TCERG1L: variants seen among roughly 807,000 people sequenced by gnomAD.
TCERG1L encodes transcription elongation regulator 1 like.
TCERG1L carries 37 observed loss-of-function variants against 56.3 expected under a neutral mutation model. That is an observed-to-expected ratio of 0.66 (90% confidence interval 0.51 to 0.87). The LOEUF (loss-of-function observed/expected upper bound fraction) is 0.87. Ranked by LOEUF, TCERG1L falls within the 40% of genes least tolerant of loss-of-function variation. TCERG1L has a pLI of 0.00. For synonymous variants in TCERG1L, 324 were observed against 326.3 expected (o/e 0.99, Z 0.08); for missense variants, 799 against 774.2 (o/e 1.03, Z -0.38).
chr10:131,134,253 C>T, intron 8 of TCERG1L, 126 bp downstream of exon 8: 1 of 853,328 alleles, frequency 1.2e-6, no homozygotes, highest in South Asian at 1.7e-5. Context: ...AACCTCTTAC[C>T]ATCTGTCTAG....
intron 8 of TCERG1L, among the ~76,000 whole-genome samples, chr10:131,134,037 CA>C (rs1280715222): frequency 1.3e-5 from 2 of 152,136 alleles, no homozygotes; most frequent in Non-Finnish European, 2.9e-5. Flanking sequence ...CCCCTAAACT[CA>C]ACCTCTGACA....
intron 3 of TCERG1L, among the ~76,000 whole-genome samples, chr10:131,296,028 A>G (rs749829196): frequency 1.3e-5 from 2 of 151,900 alleles, no homozygotes; most frequent in Non-Finnish European, 2.9e-5. Context: ...ATGTTTTGTG[A>G]GTATTTTTCC....
At chr10:131,173,315 G>A (rs1193371370) in intron 4 of TCERG1L, among the ~76,000 whole-genome samples, 3 of 152,224 alleles carry the variant, frequency 2.0e-5, no homozygotes, top group Non-Finnish European at 4.4e-5. Context: ...GACTAGGTGA[G>A]CATTTTCTAG....
At position 131,110,936 on chromosome 10, in the gene TCERG1L, C is replaced by T. The variant is rs764570753; in HGVS notation, c.1395+5863G>A. 4.9e-5 allele frequency among the ~76,000 whole-genome samples: 7 copies of T among 142,464 alleles called. 2 individuals are homozygous for T. Among genetic ancestry groups the T allele is most frequent in the East Asian group, 2.4e-4 (1 of 4,218 alleles). 93.5% of individuals were successfully genotyped at this position (142,464 alleles called of 152,430 possible). On this transcript the variant is annotated intron_variant, in intron 9 of 11. Coordinates refer to ENST00000368642, the MANE Select transcript of TCERG1L (RefSeq NM_174937.4). ...CACGACTGGATTGGCAGGGAACCTC[C>T]GACAGAAGCAGAACGCTGCCTTCCA...
In TCERG1L at chr10:131,285,526, G is replaced by GAAAGAA. The variant is rs1564833952; in HGVS notation, c.670+22684_670+22685insTTCTTT. Among the ~76,000 whole-genome samples, 37 of 22,540 alleles carry GAAAGAA rather than the reference G, an allele frequency of 1.6e-3. 2 individuals are homozygous for GAAAGAA. Among genetic ancestry groups the GAAAGAA allele is most frequent in the Non-Finnish European group, 1.8e-3 (19 of 10,514 alleles). 14.8% of individuals were successfully genotyped at this position (22,540 alleles called of 152,430 possible). Reference sequence around the variant, plus strand: ...AAAGAAAGAAAGAAAGAAAGAAAGAGAGAAAGAAAAGAAAAGAAAGAAAGG... The same window carrying GAAAGAA: ...AAAGAAAGAAAGAAAGAAAGAAAGAGAAAGAAAGAAAGAAAAGAAAAGAAAGAAAGG... On this transcript the variant is annotated intron_variant, in intron 3 of 11. Transcript: ENST00000368642.
intron 4 of TCERG1L, among the ~76,000 whole-genome samples, chr10:131,249,132 C>T (rs569026305): frequency 9.2e-5 from 14 of 152,330 alleles, no homozygotes; most frequent in South Asian, 8.3e-4. Flanking sequence ...AAAAGTGGGG[C>T]GGCTGACTGA....
At chr10:131,247,782 T>C (rs936150028) in intron 4 of TCERG1L, among the ~76,000 whole-genome samples, 1 of 152,132 alleles carries the variant, frequency 6.6e-6, no homozygotes, top group Non-Finnish European at 1.5e-5. Context: ...CAAGGCTCTC[T>C]CTCCATCCCC....
intron 6 of TCERG1L, among the ~76,000 whole-genome samples, chr10:131,151,463 G>C (rs950729153): frequency 6.6e-6 from 1 of 152,170 alleles, no homozygotes; most frequent in Non-Finnish European, 1.5e-5. Context: ...GATCTCATTT[G>C]ACTCCACACC....
chr10:131,250,667 C>T (rs966107264), intron 4 of TCERG1L, among the ~76,000 whole-genome samples: 4 of 152,126 alleles, frequency 2.6e-5, no homozygotes, highest in Non-Finnish European at 4.4e-5. Flanking sequence ...AGTGCCTGCC[C>T]GGGGCCTGCC....
At chr10:131,223,483 A>G (rs1033415784) in intron 4 of TCERG1L, among the ~76,000 whole-genome samples, 1 of 152,072 alleles carries the variant, frequency 6.6e-6, no homozygotes, top group Non-Finnish European at 1.5e-5. Flanking sequence ...ACCCTTTCCT[A>G]TATCTGCCGT....
At chr10:131,210,783 A>C (rs1345508091) in intron 4 of TCERG1L, among the ~76,000 whole-genome samples, 1 of 152,106 alleles carries the variant, frequency 6.6e-6, no homozygotes, top group Non-Finnish European at 1.5e-5. Context: ...TATTTTGCTT[A>C]TTAGTAATAA....
chr10:131,129,691 C>G (rs1845598096), intron 8 of TCERG1L, among the ~76,000 whole-genome samples: 1 of 152,298 alleles, frequency 6.6e-6, no homozygotes, highest in Middle Eastern at 3.4e-3. Flanking sequence ...ATGGAAATCA[C>G]TCGTCTCCTG....
In TCERG1L at chr10:131,267,310, C is replaced by A. The variant is rs1451203365; in HGVS notation, c.671-6866G>T. Among the ~76,000 whole-genome samples the A allele has an allele frequency of 6.6e-6, 1 of 152,204 alleles. No homozygotes were observed. The highest frequency in any genetic ancestry group is 1.5e-5 in the Non-Finnish European group (1 of 68,034). On this transcript the variant is annotated intron_variant, in intron 3 of 11. Transcript: ENST00000368642. The surrounding 1 kb of genome is among the most constrained non-coding windows in gnomAD (Gnocchi z 4.9). ...CAACAGCACCCAGGCTTGGCCCCAA[C>A]CCTACTCTAGGATCGGAGTAAGCAC...
intron 7 of TCERG1L, among the ~76,000 whole-genome samples, chr10:131,136,979 A>C (rs2133406609): frequency 6.6e-6 from 1 of 151,832 alleles, no homozygotes; most frequent in East Asian, 2.0e-4. Flanking sequence ...GTTTCTACTA[A>C]AAATATAAAA....
intron 7 of TCERG1L, among the ~76,000 whole-genome samples, chr10:131,143,002 C>CAAG (rs113216920): frequency 0.05 from 7,572 of 152,146 alleles, 276 homozygotes; most frequent in South Asian, 0.22. Flanking sequence ...GAGAGAGAGG[C>CAAG]AAGATGGACG....
In TCERG1L at chr10:131,118,114, G is replaced by A. The variant is rs1112226; in HGVS notation, c.1260-1180C>T. 0.17 allele frequency among the ~76,000 whole-genome samples: 25,247 copies of A among 152,176 alleles called. 2,188 individuals are homozygous for A. Among genetic ancestry groups the A allele is most frequent in the East Asian group, 0.36 (1,849 of 5,112 alleles). ...CTGGCCTGGCCCTGCTCCCACACCT[G>A]CCCACGGCATCAGACCACCCATTTG... is the stretch of plus-strand genomic sequence containing the variant. On this transcript the variant is annotated intron_variant, in intron 8 of 11. Transcript: ENST00000368642. This position sits in a 1 kb window ranked among gnomAD's most constrained non-coding sequence, Gnocchi z 4.2.
intron 3 of TCERG1L, among the ~76,000 whole-genome samples, chr10:131,279,384 T>C (rs1471968967): frequency 1.3e-5 from 2 of 152,172 alleles, no homozygotes; most frequent in Non-Finnish European, 1.5e-5. Context: ...TAAGCAATGC[T>C]GCTAACCTTC....
At chr10:131,176,286 C>T (rs962338265) in intron 4 of TCERG1L, among the ~76,000 whole-genome samples, 12 of 149,480 alleles carry the variant, frequency 8.0e-5, no homozygotes, top group Non-Finnish European at 1.6e-4. Flanking sequence ...GTACACACAC[C>T]AAGAAACATG....
chr10:131,277,409 AGGAAATCTCCCGCAGGCC>A (rs1359228605), intron 3 of TCERG1L, among the ~76,000 whole-genome samples: 1 of 152,228 alleles, frequency 6.6e-6, no homozygotes, highest in Non-Finnish European at 1.5e-5. Context: ...ATGGACAGCC[AGGAAATCTCCCGCAGGCC>A]TGCGCCGGGG....
Sources: gnomAD v4.1 joint callset for allele counts (sites outside exome capture counted in the v4.1 genomes callset) on GRCh38, gnomAD v4.1.1 for gene constraint, Gnocchi (gnomAD v3.1) non-coding constraint, MANE v1.5 for transcripts, NCBI Gene and HGNC (gene_info 2026-07-23, HGNC 2026-07-21) for gene names.